The following ADAMTS16 variants were observed in gnomAD, a reference collection of about 807,000 sequenced individuals.
The protein encoded by ADAMTS16 is A disintegrin and metalloproteinase with thrombospondin motifs 16.
Under a neutral mutation model 145.8 loss-of-function variants are expected in ADAMTS16, and 94 were observed. That is an observed-to-expected ratio of 0.64 (90% CI 0.55 to 0.77). The LOEUF (loss-of-function observed/expected upper bound fraction) is 0.77. Among genes scored for constraint, ADAMTS16 ranks in the 30% least tolerant of loss-of-function variants. ADAMTS16 has a pLI of 0.00. For missense variants in ADAMTS16, 1,585 were observed against 1,591.5 expected (o/e 1.00, Z 0.07); for synonymous variants, 659 against 604.3 (o/e 1.09, Z -1.33).
intron 17 of ADAMTS16, among the ~76,000 whole-genome samples, chr5:5,251,432 T>C (rs924104769): frequency 6.6e-6 from 1 of 152,236 alleles, no homozygotes; most frequent in African/African-American, 2.4e-5. Context: ...AAACAAATAA[T>C]GCTTCTATAC....
At chr5:5,295,062 T>G (rs1368303557) in intron 18 of ADAMTS16, among the ~76,000 whole-genome samples, 4 of 152,214 alleles carry the variant, frequency 2.6e-5, no homozygotes. Flanking sequence ...AAGACACAAA[T>G]GCGCATTCAT....
chr5:5,208,752 T>C (rs1284200005), intron 9 of ADAMTS16, among the ~76,000 whole-genome samples: 2 of 152,242 alleles, frequency 1.3e-5, no homozygotes, highest in Admixed American at 1.3e-4. Flanking sequence ...TGCCAAGAAG[T>C]GTGCATAAAA....
At chr5:5,291,777 G>T (rs953681961) in intron 18 of ADAMTS16, among the ~76,000 whole-genome samples, 8 of 152,036 alleles carry the variant, frequency 5.3e-5, no homozygotes, top group Non-Finnish European at 1.2e-4. Flanking sequence ...CCCTGTTGGT[G>T]CCTGGCTATA....
At chr5:5,205,413 C>T (rs1736074020) in intron 9 of ADAMTS16, among the ~76,000 whole-genome samples, 2 of 152,058 alleles carry the variant, frequency 1.3e-5, no homozygotes, top group African/African-American at 4.8e-5. Flanking sequence ...ATGTAGACCA[C>T]TTAATTTTTG....
intron 3 of ADAMTS16, among the ~76,000 whole-genome samples, chr5:5,153,303 T>C (rs1009795183): frequency 6.6e-6 from 1 of 152,254 alleles, no homozygotes; most frequent in Non-Finnish European, 1.5e-5. Context: ...TAATTATTTA[T>C]TTACAGGTTT....
chr5:5,303,777 T>C lies in ADAMTS16; in HGVS notation c.3186+11T>C, dbSNP rs373119062. Reference sequence around the variant, plus strand: ...TCCGCCTGGTCCCAGGTAGGTGCACTGGTCTCGCGGGAGCGAGGTTGACTA... The same window carrying C: ...TCCGCCTGGTCCCAGGTAGGTGCACCGGTCTCGCGGGAGCGAGGTTGACTA... On this transcript the variant is annotated intron_variant, in intron 20 of 22. Coordinates refer to ENST00000274181, the MANE Select transcript of ADAMTS16 (RefSeq NM_139056.4). The C allele has an allele frequency of 1.5e-5, 24 of 1,610,998 alleles. No individual in the cohort carries two copies. The highest frequency in any genetic ancestry group is 2.0e-5 in the Non-Finnish European group (23 of 1,178,576).
chr5:5,267,066 G>A, intron 18 of ADAMTS16, among the ~76,000 whole-genome samples: 1 of 152,152 alleles, frequency 6.6e-6, no homozygotes, highest in East Asian at 1.9e-4. Flanking sequence ...ATTGAAACTG[G>A]AGGAGCTCCC....
intron 10 of ADAMTS16, among the ~76,000 whole-genome samples, chr5:5,215,373 A>G (rs1736388735): frequency 6.6e-6 from 1 of 152,122 alleles, no homozygotes; most frequent in African/African-American, 2.4e-5. Flanking sequence ...TCATTGGGGT[A>G]CAGGTGGTAT....
At chr5:5,270,533 G>A (rs1738426717) in intron 18 of ADAMTS16, among the ~76,000 whole-genome samples, 1 of 152,142 alleles carries the variant, frequency 6.6e-6, no homozygotes, top group Admixed American at 6.5e-5. Flanking sequence ...TGCTGTAAAA[G>A]GAGAAAGAAA....
rs1579403100 is a variant in ADAMTS16 at position 5,303,662 on chromosome 5, G to A, written c.3082G>A (p.Ala1028Thr). 1.9e-6 allele frequency: 3 copies of A among 1,613,950 alleles called. No homozygotes were observed. Among genetic ancestry groups the A allele is most frequent in the Non-Finnish European group, 8.5e-7 (1 of 1,180,032 alleles). The change falls in exon 20 of 23, where the codon GCT becomes ACT. Residue 1028 changes from alanine to threonine, a missense_variant. By Grantham distance (58) the Ala-to-Thr change is moderately conservative (BLOSUM62 0). This residue lies in a region of ADAMTS16 where 834 missense variants were observed against 811.7 expected (regional missense o/e 1.03). Transcript: ENST00000274181. ...GGCCAGAGCGCAGCTGCTGCCCGAC[G>A]CTGTCTGCACCTCCGAGCCCAAGCC... ...PSARAQLLPD[A>T]VCTSEPKPRM...
chr5:5,184,945 T>C (rs781654036), intron 4 of ADAMTS16, among the ~76,000 whole-genome samples: 19 of 152,104 alleles, frequency 1.2e-4, no homozygotes, highest in Non-Finnish European at 1.8e-4. Context: ...TGAAAGCTAT[T>C]TCCGACACTT....
At chr5:5,211,783 A>G (rs1405964247) in intron 10 of ADAMTS16, among the ~76,000 whole-genome samples, 8 of 152,204 alleles carry the variant, frequency 5.3e-5, no homozygotes, top group Non-Finnish European at 1.0e-4. Flanking sequence ...TTTCTAATTT[A>G]ACTGGTAATT....
chr5:5,305,234 ACACACACACAATCCCACAC>A lies in ADAMTS16; in HGVS notation c.3187-1240_3187-1222del, dbSNP rs1373627183. ...ACACCACACACACACATCCCACACCACACACACACAATCCCACACCACACACACAATCCCACACCACACA... is the reference window on the plus strand; with the variant it reads ...ACACCACACACACACATCCCACACCACACACACACAATCCCACACCACACA... On this transcript the variant is annotated intron_variant, in intron 20 of 22. Coordinates refer to ENST00000274181, the MANE Select transcript of ADAMTS16 (RefSeq NM_139056.4). Among the ~76,000 whole-genome samples, 230 of 84,504 alleles carry A rather than the reference ACACACACACAATCCCACAC, an allele frequency of 2.7e-3. 2 individuals are homozygous for A. Among genetic ancestry groups the A allele is most frequent in the Non-Finnish European group, 4.1e-3 (181 of 44,652 alleles). The allele number at this position is 84,504 out of a possible 152,430, so 55.4% of individuals were successfully genotyped here.
chr5:5,279,777 G>C (rs1158986651), intron 18 of ADAMTS16, among the ~76,000 whole-genome samples: 1 of 151,796 alleles, frequency 6.6e-6, no homozygotes, highest in African/African-American at 2.4e-5. Flanking sequence ...ATTTTCAAAT[G>C]CTCATTTTAT....
chr5:5,187,115 A>G (rs1035261146), intron 5 of ADAMTS16, among the ~76,000 whole-genome samples: 1 of 152,172 alleles, frequency 6.6e-6, no homozygotes, highest in Non-Finnish European at 1.5e-5. Context: ...AGCTGCTCTG[A>G]CGCGTGGAAG....
At chr5:5,146,494 G>T in intron 3 of ADAMTS16, 39 bp downstream of exon 3, 1 of 1,555,244 alleles carries the variant, frequency 6.4e-7, no homozygotes, top group Middle Eastern at 2.0e-4. Context: ...AGGCGAGGTT[G>T]GTGATGGTGG....
intron 11 of ADAMTS16, among the ~76,000 whole-genome samples, chr5:5,226,478 A>G (rs1383148006): frequency 2.0e-5 from 3 of 152,280 alleles, no homozygotes; most frequent in Middle Eastern, 3.4e-3. Flanking sequence ...GACACATGGG[A>G]ACTGTGGGAG....
intron 7 of ADAMTS16, among the ~76,000 whole-genome samples, chr5:5,190,461 A>G (rs1422833517): frequency 6.6e-6 from 1 of 152,098 alleles, no homozygotes; most frequent in Non-Finnish European, 1.5e-5. Context: ...ATATAGTGGA[A>G]ATAGTACATT....
At chr5:5,233,848 G>GAT (rs1011316683) in intron 12 of ADAMTS16, among the ~76,000 whole-genome samples, 7 of 152,238 alleles carry the variant, frequency 4.6e-5, no homozygotes, top group Admixed American at 2.6e-4. Context: ...TATTCCTTTG[G>GAT]ATATATACTC....
Sources: allele counts gnomAD v4.1 joint callset (sites outside exome capture counted in the v4.1 genomes callset), GRCh38; gene constraint gnomAD v4.1.1; regional missense constraint gnomAD v4.1.1; transcripts MANE v1.5; gene names NCBI Gene and HGNC (gene_info 2026-07-23, HGNC 2026-07-21).